Variants in TMEM156 observed in about 807,000 individuals in gnomAD.
TMEM156 encodes the protein transmembrane protein 156.
A neutral mutation model predicts 30.5 loss-of-function variants in TMEM156; 28 were observed. The observed-to-expected ratio is 0.92, with a 90% CI of 0.68 to 1.26. The LOEUF (loss-of-function observed/expected upper bound fraction) is 1.26. TMEM156 is among the 50% of genes most tolerant of loss of function. The pLI is 0.00. For synonymous variants in TMEM156, 137 were observed against 119.9 expected (o/e 1.14, Z -0.93); for missense variants, 351 against 340.6 (o/e 1.03, Z -0.24).
Position 38,979,990 on chromosome 4 carries a change from C to A in TMEM156, c.823+6346G>T, listed in dbSNP as rs139907843. Among the ~76,000 whole-genome samples the A allele has an allele frequency of 5.4e-3, 820 of 152,216 alleles. 2 individuals carry two copies. Among genetic ancestry groups the A allele is most frequent in the African/African-American group, 0.019 (781 of 41,518 alleles). ...CTGTAAGCCCAAGATAGCGAGTAGC[C>A]TTTTAGGGCTAACAGAACCAATTAT... is the stretch of plus-strand genomic sequence containing the variant. On this transcript the variant is annotated intron_variant, in intron 5 of 6. Transcript: ENST00000381938.
At chr4:38,974,966 C>A (rs537788817) in intron 5 of TMEM156, among the ~76,000 whole-genome samples, 1 of 152,198 alleles carries the variant, frequency 6.6e-6, no homozygotes, top group Non-Finnish European at 1.5e-5. Flanking sequence ...AGCCACCGCG[C>A]CTGATCTGAA....
intron 1 of TMEM156, among the ~76,000 whole-genome samples, chr4:39,019,014 C>A (rs1356992901): frequency 8.3e-6 from 1 of 120,076 alleles, no homozygotes; most frequent in Non-Finnish European, 1.7e-5. Flanking sequence ...GAGCGAGACT[C>A]CATCTTAAAA....
Position 38,993,826 on chromosome 4 carries a change from C to T in TMEM156, c.531G>A (p.Lys177=), listed in dbSNP as rs1445824004. The change falls in exon 3 of 7, where the codon AAG becomes AAA. Residue 177 remains lysine, a synonymous_variant. Coordinates refer to ENST00000381938, the MANE Select transcript of TMEM156 (RefSeq NM_024943.3). ...TACAAGTGTAGTTTATCGATTTCTC[C>T]TTGCTTGGCTCATCCTCCATGATTG... The part of the protein sequence containing the change: ...RSTIMEDEPS[K]EKSINYTCRI... 12 of 1,613,898 alleles carry T rather than the reference C, an allele frequency of 7.4e-6. No homozygotes were observed. Among genetic ancestry groups the T allele is most frequent in the Non-Finnish European group, 9.3e-6 (11 of 1,179,974 alleles).
Position 38,988,164 on chromosome 4 carries a change from T to C in TMEM156, c.739+687A>G, listed in dbSNP as rs544477809. Among the ~76,000 whole-genome samples, 7 of 152,310 alleles carry C rather than the reference T, an allele frequency of 4.6e-5. No homozygotes were observed. The South Asian group carries it at 1.5e-3, about 32-fold the overall frequency. ...CAAAAATCTGATACCCCCATGCTTA[T>C]TAAAGATCGACTCTGCCTCACACCC... On this transcript the variant is annotated intron_variant, in intron 4 of 6. Coordinates refer to ENST00000381938, the MANE Select transcript of TMEM156 (RefSeq NM_024943.3).
intron 5 of TMEM156, among the ~76,000 whole-genome samples, chr4:38,974,547 G>C (rs559303551): frequency 6.6e-6 from 1 of 151,982 alleles, no homozygotes; most frequent in African/African-American, 2.4e-5. Flanking sequence ...CTTTTTGAAG[G>C]ACAATTAACA....
intron 5 of TMEM156, among the ~76,000 whole-genome samples, chr4:38,982,314 C>T (rs1423704812): frequency 2.0e-5 from 3 of 152,164 alleles, no homozygotes; most frequent in Admixed American, 2.0e-4. Flanking sequence ...TTACGTGAGT[C>T]AATACTCCTT....
intron 2 of TMEM156, among the ~76,000 whole-genome samples, chr4:38,995,409 G>A (rs1314341984): frequency 1.3e-5 from 2 of 152,118 alleles, no homozygotes; most frequent in Non-Finnish European, 1.5e-5. Context: ...GGTAGCATTC[G>A]TGATTTGCTT....
chr4:38,969,888 C>T (rs113107578), intron 6 of TMEM156, among the ~76,000 whole-genome samples: 2,507 of 152,310 alleles, frequency 0.016, 28 homozygotes, highest in East Asian at 0.062. Flanking sequence ...CCACCACACC[C>T]TGAGGTGATT....
At chr4:38,990,830 G>GTTTTTTTTTTTTGTTTTTTTT (rs1560365255) in intron 3 of TMEM156, among the ~76,000 whole-genome samples, 2 of 81,216 alleles carry the variant, frequency 2.5e-5, no homozygotes, top group African/African-American at 9.2e-5. Flanking sequence ...TTGTTTTCTG[G>GTTTTTTTTTTTTGTTTTTTTT]TTTTTTTTTT....
Position 38,998,752 on chromosome 4 carries a change from G to A in TMEM156, c.246C>T (p.Asn82=). 1.2e-6 allele frequency: 2 copies of A among 1,613,864 alleles called. No homozygotes were observed. The highest frequency in any genetic ancestry group is 1.1e-5 in the South Asian group (1 of 91,066). The change falls in exon 2 of 7, where the codon AAC becomes AAT. Residue 82 remains asparagine, a synonymous_variant. Coordinates refer to ENST00000381938, the MANE Select transcript of TMEM156 (RefSeq NM_024943.3). ...TGATGTCTTGGCAAGTCCTGGTGAA[G>A]TTACGAAAATTGGAGGGATTTAGAA... is the stretch of plus-strand genomic sequence containing the variant. ...RIFLNPSNFR[N]FTRTCQDITG...
chr4:39,019,732 A>T (rs1714739494), intron 1 of TMEM156, among the ~76,000 whole-genome samples: 1 of 152,158 alleles, frequency 6.6e-6, no homozygotes, highest in Non-Finnish European at 1.5e-5. Flanking sequence ...ATGTTTTGAG[A>T]TATATATATT....
chr4:38,970,148 G>GTGTT (rs1722528271), intron 6 of TMEM156, among the ~76,000 whole-genome samples: 1 of 149,328 alleles, frequency 6.7e-6, no homozygotes, highest in Non-Finnish European at 1.5e-5. Flanking sequence ...GTGTGTGTTT[G>GTGTT]TGTGTGTGTG....
At chr4:38,971,249 G>T in intron 5 of TMEM156, 112 bp from the exon 6 acceptor site, 1 of 994,044 alleles carries the variant, frequency 1.0e-6, no homozygotes, top group Non-Finnish European at 1.5e-6. Flanking sequence ...CTCTAGAAAG[G>T]ATTTTGGGAC....
intron 5 of TMEM156, among the ~76,000 whole-genome samples, chr4:38,978,977 A>G (rs2109883815): frequency 6.6e-6 from 1 of 152,194 alleles, no homozygotes; most frequent in East Asian, 1.9e-4. Flanking sequence ...AGACCTAACC[A>G]ACATCTGTTT....
At chr4:39,027,126 TG>T (rs1192606176) in intron 1 of TMEM156, among the ~76,000 whole-genome samples, 1 of 152,210 alleles carries the variant, frequency 6.6e-6, no homozygotes, top group Non-Finnish European at 1.5e-5. Context: ...TCAAAGTACT[TG>T]GCATATTACT....
At position 38,993,945 on chromosome 4, in the gene TMEM156, A is replaced by C; in HGVS notation, c.412T>G (p.Cys138Gly). 1.9e-6 allele frequency: 3 copies of C among 1,614,084 alleles called. No homozygotes were observed. The highest frequency in any genetic ancestry group is 2.5e-6 in the Non-Finnish European group (3 of 1,179,938). Residue 138 changes from cysteine (C) to glycine (G), a missense_variant, in exon 3 of 7, where the codon TGT (cysteine) becomes GGT (glycine). Physicochemically the swap from Cys to Gly is radical, Grantham distance 159 (BLOSUM62 -3). Transcript: ENST00000381938. ...GCTACACTGAAGTTAAAGTGCTGAC[A>C]AGGTGAATGAAAATCATTTGCTTTC... Reference protein sequence around the residue: ...EVKANDFHSPCQHFNFSVAPL... With the variant: ...EVKANDFHSPGQHFNFSVAPL...
At chr4:38,981,363 G>T (rs11943965) in intron 5 of TMEM156, among the ~76,000 whole-genome samples, 1 of 151,916 alleles carries the variant, frequency 6.6e-6, no homozygotes, top group Non-Finnish European at 1.5e-5. Context: ...CTTTTGCTTC[G>T]TGTTCCCTCA....
intron 1 of TMEM156, among the ~76,000 whole-genome samples, chr4:39,022,566 A>T (rs892562550): frequency 6.6e-5 from 10 of 152,212 alleles, no homozygotes; most frequent in African/African-American, 2.4e-4. Context: ...AAAGTTTTAA[A>T]TACATTTTAT....
chr4:39,010,962 CAGAGT>C (rs1714072560), intron 1 of TMEM156, among the ~76,000 whole-genome samples: 1 of 152,018 alleles, frequency 6.6e-6, no homozygotes, highest in Non-Finnish European at 1.5e-5. Context: ...AAACTATCAA[CAGAGT>C]AAAGAGACAA....
Sources: gnomAD v4.1 joint callset for allele counts (sites outside exome capture counted in the v4.1 genomes callset) on GRCh38, gnomAD v4.1.1 for gene constraint, MANE v1.5 for transcripts, NCBI Gene and HGNC (gene_info 2026-07-23, HGNC 2026-07-21) for gene names.